The following STK10 variants were observed in gnomAD, a reference collection of about 807,000 sequenced individuals.
STK10 encodes the protein serine/threonine-protein kinase 10.
STK10 carries 78 observed loss-of-function variants against 113.8 expected under a neutral mutation model. The observed-to-expected ratio is 0.69, with a 90% CI of 0.57 to 0.83. The LOEUF (loss-of-function observed/expected upper bound fraction) is 0.83, where lower values mean the gene tolerates loss of function less well. Ranked by LOEUF, STK10 falls within the 40% of genes least tolerant of loss-of-function variation. The pLI, the probability that STK10 is intolerant of heterozygous loss-of-function variation, is 0.00. For synonymous variants in STK10, 465 were observed against 494.7 expected, an observed-to-expected ratio of 0.94 and a Z score of 0.80; for missense variants, 1,109 against 1,280.1, an observed-to-expected ratio of 0.87 and a Z score of 2.04.
chr5:172,045,093 A>G, intron 18 of STK10, 71 bp from the exon 19 acceptor site: 1 of 1,580,684 alleles, frequency 6.3e-7, no homozygotes, highest in East Asian at 2.2e-5. Context: ...CACTCACAGG[A>G]CCCCCACTGA....
intron 18 of STK10, among the ~76,000 whole-genome samples, chr5:172,047,544 T>C (rs765200470): frequency 1.3e-5 from 2 of 152,164 alleles, no homozygotes; most frequent in Non-Finnish European, 2.9e-5. Context: ...AGCGTGGGCC[T>C]AACAGGAAGT....
intron 15 of STK10, chr5:172,056,970 A>AGAAGGAAGGAAGGAAG (rs1561790042): frequency 1.8e-5 from 2 of 110,626 alleles, no homozygotes; most frequent in African/African-American, 8.8e-5. Flanking sequence ...AAAGAAAGAA[A>AGAAGGAAGGAAGGAAG]GAAAGAAAGA....
At chr5:172,115,233 G>C (rs1257673920) in intron 4 of STK10, 1 of 152,370 alleles carries the variant, frequency 6.6e-6, no homozygotes, top group East Asian at 1.9e-4. Flanking sequence ...GGGCCTCACT[G>C]ATTGGTCCAA....
intron 18 of STK10, among the ~76,000 whole-genome samples, chr5:172,050,798 G>C (rs1261134424): frequency 6.6e-6 from 1 of 151,434 alleles, no homozygotes; most frequent in Non-Finnish European, 1.5e-5. Context: ...CTGCAGCCTT[G>C]ACTTCCTGGC....
At chr5:172,101,331 C>T (rs982553013) in intron 7 of STK10, among the ~76,000 whole-genome samples, 17 of 151,902 alleles carry the variant, frequency 1.1e-4, no homozygotes, top group African/African-American at 3.9e-4. Flanking sequence ...ATTACCCAGG[C>T]GTGGTGGTGC....
In STK10 at chr5:172,188,150, G is replaced by C. The variant is rs1770995596; in HGVS notation, c.-108C>G. The C allele has an allele frequency of 6.7e-7, 1 of 1,485,684 alleles. No individual in the cohort carries two copies. 92.0% of individuals were successfully genotyped at this position (1,485,684 alleles called of 1,614,324 possible). On this transcript the variant is annotated 5_prime_UTR_variant, in exon 1 of 19. Transcript: ENST00000176763. The surrounding 1 kb of genome is among the most constrained non-coding windows in gnomAD (Gnocchi z 5.6). ...AGTTGGAGGACGCCGCGTCTCTCGG[G>C]GTTCTCCCCAGACCCGCCTTTCCCC...
chr5:172,087,324 G>C (rs1456637440), intron 10 of STK10, among the ~76,000 whole-genome samples: 2 of 151,724 alleles, frequency 1.3e-5, no homozygotes, highest in Non-Finnish European at 2.9e-5. Context: ...GCCCAGGCTG[G>C]AGTGTAGTGA....
chr5:172,162,295 G>A (rs1004908176), intron 1 of STK10, among the ~76,000 whole-genome samples: 6 of 152,010 alleles, frequency 3.9e-5, no homozygotes, highest in East Asian at 1.9e-4. Context: ...AGCCGACTGC[G>A]CCACTGCACT....
At chr5:172,151,001 T>C (rs1332976662) in intron 2 of STK10, among the ~76,000 whole-genome samples, 1 of 152,104 alleles carries the variant, frequency 6.6e-6, no homozygotes, top group African/African-American at 2.4e-5. Context: ...TCTCCTTTCA[T>C]CTCCCCAGTG....
chr5:172,118,196 C>G (rs1181816145), intron 3 of STK10, among the ~76,000 whole-genome samples: 1 of 152,146 alleles, frequency 6.6e-6, no homozygotes, highest in African/African-American at 2.4e-5. Context: ...GCCACTCGCT[C>G]AAGGTCATGC....
intron 18 of STK10, among the ~76,000 whole-genome samples, chr5:172,047,268 G>T (rs1767511570): frequency 6.6e-6 from 1 of 152,192 alleles, no homozygotes; most frequent in Non-Finnish European, 1.5e-5. Context: ...TCCAATGCTG[G>T]CTTCCCAACT....
At chr5:172,159,816 C>T (rs998196256) in intron 1 of STK10, among the ~76,000 whole-genome samples, 40 of 151,312 alleles carry the variant, frequency 2.6e-4, no homozygotes, top group African/African-American at 8.5e-4. Context: ...AAGCAAAACT[C>T]TGTCTCAAAA....
chr5:172,042,111 A>G lies in STK10; in HGVS notation c.*2771T>C, dbSNP rs1386872371. On this transcript the variant is annotated 3_prime_UTR_variant, in exon 19 of 19. Transcript: ENST00000176763. ...GTTATTTTATTAGAAGCATATTTAC[A>G]TTCTTGTAGTTAACTTTCCAGAGAA... The G allele has an allele frequency of 6.6e-6, 1 of 152,622 alleles. No homozygotes were observed. The highest frequency in any genetic ancestry group is 2.4e-5 in the African/African-American group (1 of 41,444). 9.5% of individuals were successfully genotyped at this position (152,622 alleles called of 1,614,324 possible). A position where few individuals can be genotyped will look rare whatever the true frequency, so the allele number is the denominator to read the frequency against.
At chr5:172,045,433 G>A (rs1278364126) in intron 18 of STK10, 7 of 459,470 alleles carry the variant, frequency 1.5e-5, no homozygotes, top group South Asian at 1.1e-4. Flanking sequence ...TGCCTGAGTT[G>A]AGATTGCGCC....
At chr5:172,139,001 G>A (rs552453976) in intron 2 of STK10, among the ~76,000 whole-genome samples, 3 of 152,288 alleles carry the variant, frequency 2.0e-5, no homozygotes, top group South Asian at 2.1e-4. Context: ...GCGACAGAGC[G>A]AGACTCCGTC....
At chr5:172,115,999 A>G (rs1258764981) in intron 4 of STK10, among the ~76,000 whole-genome samples, 2 of 152,188 alleles carry the variant, frequency 1.3e-5, no homozygotes, top group African/African-American at 4.8e-5. Flanking sequence ...GAAGTAACTA[A>G]CCATAGGCTA....
intron 18 of STK10, 44 bp downstream of exon 18, chr5:172,052,885 A>C (rs1272932414): frequency 1.3e-6 from 2 of 1,597,306 alleles, no homozygotes; most frequent in Middle Eastern, 2.0e-4. Flanking sequence ...TGCATGGCAC[A>C]GAGCAGAGCC....
intron 18 of STK10, among the ~76,000 whole-genome samples, chr5:172,049,873 G>A (rs151180330): frequency 1.5e-3 from 225 of 152,240 alleles, no homozygotes; most frequent in African/African-American, 5.3e-3. Flanking sequence ...TGAGATCTTG[G>A]CTCACTGCAA....
chr5:172,055,038 C>T (rs954674944), intron 16 of STK10, among the ~76,000 whole-genome samples: 11 of 152,142 alleles, frequency 7.2e-5, no homozygotes, highest in African/African-American at 9.7e-5. Context: ...TGTGGGAGTG[C>T]GGAAGGGAAG....
Sources: gnomAD v4.1 joint callset for allele counts (sites outside exome capture counted in the v4.1 genomes callset) on GRCh38, gnomAD v4.1.1 for gene constraint, Gnocchi (gnomAD v3.1) non-coding constraint, MANE v1.5 for transcripts, NCBI Gene and HGNC (gene_info 2026-07-23, HGNC 2026-07-21) for gene names.